AIDA: variants seen among roughly 807,000 people sequenced by gnomAD.
AIDA encodes the protein axin interactor, dorsalization associated, also known as axin interactor, dorsalization-associated protein.
Under a neutral mutation model 42.7 loss-of-function variants are expected in AIDA, and 18 were observed. That is an observed-to-expected ratio of 0.42 (90% confidence interval 0.29 to 0.63). The LOEUF is 0.63. Among genes scored for constraint, AIDA ranks in the 20% least tolerant of loss-of-function variants. The pLI, the probability that AIDA is intolerant of heterozygous loss-of-function variation, is 0.19. For missense variants in AIDA, 250 were observed against 354.1 expected, an observed-to-expected ratio of 0.71 and a Z score of 2.36; for synonymous variants, 104 against 122.9, an observed-to-expected ratio of 0.85 and a Z score of 1.02.
chr1:222,699,681 T>C (rs1000164543), intron 2 of AIDA, among the ~76,000 whole-genome samples: 2 of 152,224 alleles, frequency 1.3e-5, no homozygotes, highest in Admixed American at 6.5e-5. Context: ...TGATAACTTA[T>C]TCCCTATGTG....
rs1664373734 is a variant in AIDA at position 222,668,158 on chromosome 1, A to G, written c.*1735T>C. On this transcript the variant is annotated 3_prime_UTR_variant, in exon 10 of 10. Coordinates refer to ENST00000340020, the MANE Select transcript of AIDA (RefSeq NM_022831.4). ...TATGAGAAAAGAGAAAAAATAATAC[A>G]TCGGTTTTGCTACACTTTAATGGGT... 1 of 151,834 alleles carries G rather than the reference A, an allele frequency of 6.6e-6. No homozygotes were observed. Among genetic ancestry groups the G allele is most frequent in the African/African-American group, 2.4e-5 (1 of 41,318 alleles). The allele number at this position is 151,834 out of a possible 1,614,324, so 9.4% of individuals were successfully genotyped here.
In AIDA at chr1:222,703,038, A is replaced by C. The variant is rs184477854; in HGVS notation, c.180+110T>G. On this transcript the variant is annotated intron_variant, in intron 2 of 9. Transcript: ENST00000340020. ...TCAATATCATTCTTTTTACTTAAGTATAACAGTTTTTTGTTTTTGTTTTGT... is the reference window on the plus strand; with the variant it reads ...TCAATATCATTCTTTTTACTTAAGTCTAACAGTTTTTTGTTTTTGTTTTGT... The C allele has an allele frequency of 2.6e-4, 194 of 747,786 alleles. 1 individual carries two copies. The South Asian group carries it at 3.0e-3, about 12-fold the overall frequency. The allele number at this position is 747,786 out of a possible 1,614,324, so 46.3% of individuals were successfully genotyped here. A position where few individuals can be genotyped will look rare whatever the true frequency, so the allele number is the denominator to read the frequency against.
In AIDA at chr1:222,688,766, A is replaced by G. The variant is rs1033816105; in HGVS notation, c.290-1108T>C. 4.6e-5 allele frequency among the ~76,000 whole-genome samples: 7 copies of G among 152,024 alleles called. No individual in the cohort carries two copies. The East Asian group carries it at 1.3e-3, about 29-fold the overall frequency. On this transcript the variant is annotated intron_variant, in intron 4 of 9. Transcript: ENST00000340020. ...AGGCATGAGCCAACAAACCTGGCTA[A>G]TTTTTGTATTTTTATAGAGACGGAG...
intron 4 of AIDA, among the ~76,000 whole-genome samples, chr1:222,689,975 T>C (rs1370073400): frequency 6.6e-6 from 1 of 152,140 alleles, no homozygotes; most frequent in African/African-American, 2.4e-5. Context: ...CTTTTTCTAC[T>C]ATGTTCAGAT....
At chr1:222,697,421 G>A (rs991673479) in intron 2 of AIDA, among the ~76,000 whole-genome samples, 16 of 145,118 alleles carry the variant, frequency 1.1e-4, no homozygotes, top group African/African-American at 2.5e-4. Flanking sequence ...AAAATCAAGC[G>A]CTTGCTACTG....
At chr1:222,708,612 T>G (rs1023626927) in intron 1 of AIDA, among the ~76,000 whole-genome samples, 1 of 152,002 alleles carries the variant, frequency 6.6e-6, no homozygotes, top group Non-Finnish European at 1.5e-5. Context: ...TCAAGTGATC[T>G]GCCCGCCTCA....
At chr1:222,675,963 A>T in intron 7 of AIDA, 133 bp downstream of exon 7, 4 of 986,082 alleles carry the variant, frequency 4.1e-6, no homozygotes, top group Non-Finnish European at 5.7e-6. Context: ...ACTTTGCCTC[A>T]TGATAGAATG....
intron 8 of AIDA, 83 bp from the exon 9 acceptor site, chr1:222,670,333 T>A: frequency 3.8e-6 from 4 of 1,058,262 alleles, no homozygotes; most frequent in African/African-American, 1.6e-5. Flanking sequence ...ACCAGAAGCA[T>A]ATGAACAGCT....
intron 2 of AIDA, among the ~76,000 whole-genome samples, chr1:222,701,633 A>G (rs1466360744): frequency 6.6e-6 from 1 of 152,176 alleles, no homozygotes; most frequent in Non-Finnish European, 1.5e-5. Context: ...CACTGTGGTC[A>G]TTATTTTCCA....
chr1:222,678,116 G>C (rs983955503), intron 6 of AIDA, among the ~76,000 whole-genome samples: 1 of 151,844 alleles, frequency 6.6e-6, no homozygotes, highest in African/African-American at 2.4e-5. Context: ...ACAGGGAACT[G>C]CCATATAAGG....
At chr1:222,707,722 T>C (rs946697891) in intron 1 of AIDA, among the ~76,000 whole-genome samples, 1 of 152,210 alleles carries the variant, frequency 6.6e-6, no homozygotes, top group Non-Finnish European at 1.5e-5. Flanking sequence ...GTTTTAAACA[T>C]ACCTTAAGCA....
At chr1:222,699,120 T>C (rs1441134485) in intron 2 of AIDA, among the ~76,000 whole-genome samples, 1 of 152,208 alleles carries the variant, frequency 6.6e-6, no homozygotes, top group Non-Finnish European at 1.5e-5. Context: ...ACACCCCGTC[T>C]GGCCAAAGTA....
chr1:222,705,709 C>T (rs563818677), intron 1 of AIDA, among the ~76,000 whole-genome samples: 4 of 152,126 alleles, frequency 2.6e-5, no homozygotes, highest in East Asian at 1.9e-4. Flanking sequence ...ATGGTGAAAC[C>T]CCTGTCTCTA....
chr1:222,668,885 ATGTC>A lies in AIDA; in HGVS notation c.*1004_*1007del, dbSNP rs1664392616. On this transcript the variant is annotated 3_prime_UTR_variant, in exon 10 of 10. Transcript: ENST00000340020. The stretch of plus-strand genomic sequence containing the variant: ...GACCTGCATATTTTCATATGGATGA[ATGTC>A]AGTATATCTAAATAGGAAATAAATG... 1 of 150,024 alleles carries A rather than the reference ATGTC, an allele frequency of 6.7e-6. No homozygotes were observed. The highest frequency in any genetic ancestry group is 6.7e-5 in the Admixed American group (1 of 15,012). 9.3% of individuals were successfully genotyped at this position (150,024 alleles called of 1,614,324 possible). A position where few individuals can be genotyped will look rare whatever the true frequency, so the allele number is the denominator to read the frequency against.
intron 6 of AIDA, among the ~76,000 whole-genome samples, chr1:222,681,219 T>C (rs2124952938): frequency 6.6e-6 from 1 of 152,318 alleles, no homozygotes; most frequent in South Asian, 2.1e-4. Context: ...CTGTACACTG[T>C]GGTGTCAAAC....
intron 1 of AIDA, among the ~76,000 whole-genome samples, chr1:222,704,006 A>G (rs935985868): frequency 6.6e-6 from 1 of 152,240 alleles, no homozygotes; most frequent in Admixed American, 6.5e-5. Flanking sequence ...TAGTTCTCCA[A>G]AGAAGACATA....
chr1:222,676,072 A>C, intron 7 of AIDA, 24 bp downstream of exon 7: 1 of 1,529,544 alleles, frequency 6.5e-7, no homozygotes. Context: ...ACCTGAGAAA[A>C]AAAAAGTAAA....
chr1:222,697,015 T>A (rs1655538879), intron 2 of AIDA, among the ~76,000 whole-genome samples: 1 of 152,154 alleles, frequency 6.6e-6, no homozygotes, highest in East Asian at 1.9e-4. Flanking sequence ...CGGTCTCAGC[T>A]TACTGCAACC....
intron 7 of AIDA, among the ~76,000 whole-genome samples, chr1:222,674,253 G>C (rs1464722690): frequency 6.6e-6 from 1 of 152,130 alleles, no homozygotes; most frequent in Non-Finnish European, 1.5e-5. Flanking sequence ...TGTGGAGGGG[G>C]CTGAGTGAGG....
Sources: gnomAD v4.1 joint callset for allele counts (sites outside exome capture counted in the v4.1 genomes callset) on GRCh38, gnomAD v4.1.1 for gene constraint, MANE v1.5 for transcripts, NCBI Gene and HGNC (gene_info 2026-07-23, HGNC 2026-07-21) for gene names.